THSD4: variants seen among roughly 807,000 people sequenced by gnomAD.
THSD4 encodes thrombospondin type-1 domain-containing protein 4.
In THSD4, 69 loss-of-function variants were observed where a neutral mutation model predicts 119.0. The ratio of observed to expected loss-of-function variants is 0.58; its 90% CI spans 0.48 to 0.71. The LOEUF (loss-of-function observed/expected upper bound fraction) is 0.71, where lower values mean the gene tolerates loss of function less well. Among genes scored for constraint, THSD4 ranks in the 30% least tolerant of loss-of-function variants. The probability of loss-of-function intolerance (pLI) is 0.00; values close to 1 mark genes in which losing one functional copy is unlikely to be tolerated. For synonymous variants in THSD4, 524 were observed against 540.4 expected, an observed-to-expected ratio of 0.97 and a Z score of 0.42; for missense variants, 1,393 against 1,391.1, an observed-to-expected ratio of 1.00 and a Z score of -0.02.
At chr15:71,199,488 GGTGTGTGTGGTGT>G (rs2043751247) in intron 3 of THSD4, among the ~76,000 whole-genome samples, 1 of 62,534 alleles carries the variant, frequency 1.6e-5, no homozygotes, top group African/African-American at 4.0e-5. Context: ...GTGTGTGTGG[GGTGTGTGTGGTGT>G]GTGTGTGTGT....
intron 7 of THSD4, among the ~76,000 whole-genome samples, chr15:71,449,061 G>A (rs1174562016): frequency 6.6e-6 from 1 of 152,162 alleles, no homozygotes; most frequent in Non-Finnish European, 1.5e-5. Flanking sequence ...AGCCTTACCA[G>A]TGTGCCTGTC....
intron 6 of THSD4, among the ~76,000 whole-genome samples, chr15:71,295,450 A>T (rs1419285184): frequency 6.6e-6 from 1 of 152,166 alleles, no homozygotes; most frequent in East Asian, 1.9e-4. Flanking sequence ...GGACTGACTC[A>T]TTGAGATTGG....
intron 6 of THSD4, among the ~76,000 whole-genome samples, chr15:71,321,732 T>G (rs2045271917): frequency 6.6e-6 from 1 of 152,226 alleles, no homozygotes; most frequent in Admixed American, 6.5e-5. Context: ...AATTGCATTC[T>G]TAAAATGCTG....
At chr15:71,615,349 C>T (rs961577049) in intron 7 of THSD4, among the ~76,000 whole-genome samples, 5 of 152,100 alleles carry the variant, frequency 3.3e-5, no homozygotes, top group South Asian at 2.1e-4. Flanking sequence ...TAGATAGGTA[C>T]GTAAGTAAAT....
intron 7 of THSD4, among the ~76,000 whole-genome samples, chr15:71,489,004 T>A (rs1363478010): frequency 6.6e-6 from 1 of 152,226 alleles, no homozygotes; most frequent in East Asian, 1.9e-4. Flanking sequence ...CAGTTAAGTG[T>A]GTTCAGAGGG....
At chr15:71,711,397 T>C (rs2052512922) in intron 8 of THSD4, among the ~76,000 whole-genome samples, 1 of 152,016 alleles carries the variant, frequency 6.6e-6, no homozygotes, top group Non-Finnish European at 1.5e-5. Flanking sequence ...TATGACAAAT[T>C]AGGTTTGTAT....
chr15:71,622,545 G>A (rs1340111965), intron 7 of THSD4, among the ~76,000 whole-genome samples: 1 of 152,106 alleles, frequency 6.6e-6, no homozygotes, highest in Non-Finnish European at 1.5e-5. Context: ...CTTAGCATTT[G>A]GCCTTGTGTA....
chr15:71,271,208 C>G (rs1457541143), intron 6 of THSD4, among the ~76,000 whole-genome samples: 1 of 152,104 alleles, frequency 6.6e-6, no homozygotes, highest in East Asian at 1.9e-4. Context: ...TAGCTTCAAA[C>G]TGGTAACAAC....
chr15:71,438,992 A>G (rs898528295), intron 7 of THSD4, among the ~76,000 whole-genome samples: 4 of 152,228 alleles, frequency 2.6e-5, no homozygotes, highest in Non-Finnish European at 5.9e-5. Flanking sequence ...ATTCCAAATG[A>G]CAAGACCACG....
At chr15:71,146,892 A>G (rs2040667600) in intron 2 of THSD4, among the ~76,000 whole-genome samples, 1 of 152,208 alleles carries the variant, frequency 6.6e-6, no homozygotes, top group African/African-American at 2.4e-5. Context: ...TCCTGTCCTC[A>G]TCACTCACTC....
intron 6 of THSD4, among the ~76,000 whole-genome samples, chr15:71,364,250 C>T (rs1292393338): frequency 2.0e-5 from 3 of 152,218 alleles, no homozygotes; most frequent in Admixed American, 6.5e-5. Context: ...CCCCAGCCTG[C>T]TACCCATCGT....
intron 3 of THSD4, among the ~76,000 whole-genome samples, chr15:71,195,164 C>G (rs77866116): frequency 1.3e-5 from 2 of 152,092 alleles, no homozygotes; most frequent in Non-Finnish European, 2.9e-5. Context: ...ACTCAGTCTA[C>G]GGGAGACATT....
At chr15:71,711,771 G>T (rs1028796256) in intron 8 of THSD4, among the ~76,000 whole-genome samples, 16 of 152,096 alleles carry the variant, frequency 1.1e-4, no homozygotes, top group Middle Eastern at 3.4e-3. Context: ...ATTACACAAA[G>T]TAGACTTCAA....
At chr15:71,281,163 A>T (rs1157260767) in intron 6 of THSD4, among the ~76,000 whole-genome samples, 2 of 152,240 alleles carry the variant, frequency 1.3e-5, no homozygotes, top group Admixed American at 6.5e-5. Context: ...TGTGGCACAG[A>T]GTTGGGCTGA....
intron 7 of THSD4, among the ~76,000 whole-genome samples, chr15:71,562,339 G>A (rs1013945696): frequency 1.3e-5 from 2 of 152,180 alleles, no homozygotes; most frequent in African/African-American, 4.8e-5. Context: ...GAGATGGTTA[G>A]TTTTGTACAT....
At chr15:71,717,682 A>G (rs2052636395) in intron 8 of THSD4, among the ~76,000 whole-genome samples, 1 of 152,138 alleles carries the variant, frequency 6.6e-6, no homozygotes, top group African/African-American at 2.4e-5. Context: ...TGAGAGTTAG[A>G]AGCAGGAGCT....
intron 6 of THSD4, among the ~76,000 whole-genome samples, chr15:71,406,401 T>C (rs776939480): frequency 4.6e-5 from 7 of 152,228 alleles, no homozygotes; most frequent in East Asian, 3.8e-4. Context: ...AAGTATTTGC[T>C]ATCTTTATTG....
chr15:71,514,451 T>A (rs1241090949), intron 7 of THSD4, among the ~76,000 whole-genome samples: 2 of 152,232 alleles, frequency 1.3e-5, no homozygotes, highest in African/African-American at 2.4e-5. Flanking sequence ...TTTATCATCA[T>A]AGTCCCACCT....
At chr15:71,145,394 G>A (rs2040647770) in intron 2 of THSD4, among the ~76,000 whole-genome samples, 1 of 152,078 alleles carries the variant, frequency 6.6e-6, no homozygotes. Context: ...ATCTTATGAG[G>A]GAGACTTCTG....
Sources: gnomAD v4.1 joint callset for allele counts (sites outside exome capture counted in the v4.1 genomes callset) on GRCh38, gnomAD v4.1.1 for gene constraint, MANE v1.5 for transcripts, NCBI Gene and HGNC (gene_info 2026-07-23, HGNC 2026-07-21) for gene names.